ACCSL: variants seen among roughly 807,000 people sequenced by gnomAD.
The protein encoded by ACCSL is probable inactive 1-aminocyclopropane-1-carboxylate synthase-like protein 2.
In ACCSL, 55 loss-of-function variants were observed where a neutral mutation model predicts 61.7. The ratio of observed to expected loss-of-function variants is 0.89; its 90% CI spans 0.72 to 1.12. The LOEUF (loss-of-function observed/expected upper bound fraction) is 1.12. ACCSL is among the 50% of genes most tolerant of loss of function. The pLI is 0.00. For synonymous variants in ACCSL, 258 were observed against 264.3 expected (o/e 0.98, Z 0.23); for missense variants, 632 against 698.0 (o/e 0.91, Z 1.07).
chr11:44,047,694 C>T (rs751345573), upstream of ACCSL, among the ~76,000 whole-genome samples: 46 of 152,188 alleles, frequency 3.0e-4, no homozygotes, highest in Non-Finnish European at 5.9e-4. Context: ...CCAAACAAAG[C>T]AGGAAGTGCT....
the ACCSL span, among the ~76,000 whole-genome samples, chr11:43,934,022 A>G: frequency 2.6e-5 from 4 of 151,720 alleles, no homozygotes; most frequent in African/African-American, 9.7e-5. Flanking sequence ...AAACTGATGG[A>G]CCGATGAGGG....
chr11:44,022,395 T>C, the ACCSL span, among the ~76,000 whole-genome samples: 1 of 152,196 alleles, frequency 6.6e-6, no homozygotes, highest in Admixed American at 6.5e-5. Flanking sequence ...CAGGTTGAGT[T>C]CTTGATTTGA....
chr11:43,989,467 T>C, the ACCSL span, among the ~76,000 whole-genome samples: 2 of 152,238 alleles, frequency 1.3e-5, no homozygotes, highest in African/African-American at 4.8e-5. Flanking sequence ...AAGCCTCCTG[T>C]TTCCTTTCCT....
chr11:43,922,654 T>C, the ACCSL span, among the ~76,000 whole-genome samples: 1 of 152,228 alleles, frequency 6.6e-6, no homozygotes, highest in Non-Finnish European at 1.5e-5. Context: ...TCCTTGATTT[T>C]CTGGCAAGTG....
the ACCSL span, chr11:43,942,950 C>A: frequency 6.8e-7 from 1 of 1,472,736 alleles, no homozygotes; most frequent in South Asian, 1.3e-5. Context: ...CTCCAGTTAC[C>A]AGGCGGTGAT....
At chr11:43,980,853 T>TATC in the ACCSL span, among the ~76,000 whole-genome samples, 1 of 151,820 alleles carries the variant, frequency 6.6e-6, no homozygotes, top group East Asian at 1.9e-4. Flanking sequence ...TAAGCGCTAT[T>TATC]ATCATCATCA....
the ACCSL span, among the ~76,000 whole-genome samples, chr11:44,034,470 G>T: frequency 3.6e-4 from 55 of 152,300 alleles, 1 homozygote; most frequent in East Asian, 9.9e-3. Flanking sequence ...TAAAGAAAAA[G>T]AGTTTTAATG....
intron 11 of ACCSL, 71 bp downstream of exon 11, chr11:44,056,397 G>A (rs1590432670): frequency 6.5e-7 from 1 of 1,541,976 alleles, no homozygotes; most frequent in Non-Finnish European, 8.8e-7. Context: ...GGATTTGCTT[G>A]GGCCTCTGAT....
chr11:44,056,231 AC>A lies in ACCSL; in HGVS notation c.1233del (p.Asn411LysfsTer8). 1 of 1,614,198 alleles carries A rather than the reference AC, an allele frequency of 6.2e-7. No homozygotes were observed. The highest frequency in any genetic ancestry group is 8.5e-7 in the Non-Finnish European group (1 of 1,180,040). On this transcript the variant is annotated frameshift_variant, in exon 11 of 14. Coordinates refer to ENST00000378832, the MANE Select transcript of ACCSL (RefSeq NM_001031854.2). LOFTEE classifies it high-confidence loss of function. Reference sequence around the variant, plus strand: ...CGCTTTGGTGCTCTGTATACCCACAACAAGGAGGTGGCCTCTGCTGTGAGTG... The same window carrying A: ...CGCTTTGGTGCTCTGTATACCCACAAAAGGAGGTGGCCTCTGCTGTGAGTG... ...GFRFGALYTH[N>X]KEVASAVSAF...
the ACCSL span, chr11:43,922,095 A>G: frequency 2.6e-5 from 4 of 152,366 alleles, no homozygotes; most frequent in East Asian, 7.7e-4. Flanking sequence ...GGAAGCAAAT[A>G]TAACAGCGGT....
At position 44,052,851 on chromosome 11, in the gene ACCSL, A is replaced by G; in HGVS notation, c.870+92A>G. On this transcript the variant is annotated intron_variant, in intron 6 of 13. Transcript: ENST00000378832. ...GGGTAGAGGGGCTTGCTTTCTACCC[A>G]TCTAAGTGGTTGGGTAGGGGTGGAG... is the stretch of plus-strand genomic sequence containing the variant. 3.4e-6 allele frequency: 5 copies of G among 1,469,128 alleles called. 1 individual carries two copies. In the South Asian group the frequency reaches 5.7e-5, roughly 17 times the overall value. The allele number at this position is 1,469,128 out of a possible 1,614,324, so 91.0% of individuals were successfully genotyped here.
chr11:44,006,536 C>T, the ACCSL span, among the ~76,000 whole-genome samples: 54 of 140,724 alleles, frequency 3.8e-4, no homozygotes, highest in South Asian at 9.4e-3. Context: ...GGCAGAGTCT[C>T]GCTCTGTTAC....
the ACCSL span, among the ~76,000 whole-genome samples, chr11:44,034,501 C>A: frequency 6.6e-6 from 1 of 152,036 alleles, no homozygotes; most frequent in Non-Finnish European, 1.5e-5. Flanking sequence ...TCCACATGGC[C>A]GAGGAGGCCT....
chr11:44,023,168 C>T, the ACCSL span, among the ~76,000 whole-genome samples: 1 of 151,412 alleles, frequency 6.6e-6, no homozygotes, highest in Non-Finnish European at 1.5e-5. Context: ...CCTCCCACCT[C>T]AGCCTCCCAA....
At chr11:44,033,109 C>T in the ACCSL span, among the ~76,000 whole-genome samples, 14 of 152,280 alleles carry the variant, frequency 9.2e-5, no homozygotes, top group Non-Finnish European at 1.5e-4. Flanking sequence ...GACGAACAGT[C>T]GGGTTTGGTG....
the ACCSL span, among the ~76,000 whole-genome samples, chr11:43,982,584 C>T: frequency 2.0e-5 from 3 of 152,176 alleles, no homozygotes; most frequent in East Asian, 1.9e-4. Flanking sequence ...GTGTGTGAAC[C>T]GCCCGCATGG....
chr11:43,998,867 C>T, the ACCSL span, among the ~76,000 whole-genome samples: 4 of 152,134 alleles, frequency 2.6e-5, no homozygotes, highest in East Asian at 7.8e-4. Flanking sequence ...TCAGGTGATC[C>T]TCCCACCTCA....
the ACCSL span, among the ~76,000 whole-genome samples, chr11:43,966,425 C>CAA: frequency 3.2e-3 from 331 of 102,096 alleles, no homozygotes; most frequent in Non-Finnish European, 5.1e-3. Context: ...GACTCTGTCT[C>CAA]AAAAAAAAAA....
chr11:43,963,502 C>A, the ACCSL span, among the ~76,000 whole-genome samples: 3 of 152,184 alleles, frequency 2.0e-5, no homozygotes, highest in Non-Finnish European at 4.4e-5. Context: ...TTCTACAGAG[C>A]AGATGATAAC....
Sources: allele counts gnomAD v4.1 joint callset (sites outside exome capture counted in the v4.1 genomes callset), GRCh38; gene constraint gnomAD v4.1.1; transcripts MANE v1.5; gene names NCBI Gene and HGNC (gene_info 2026-07-23, HGNC 2026-07-21).